Variants in ABCA1 observed in about 807,000 individuals in gnomAD.
ABCA1 encodes the protein phospholipid-transporting ATPase ABCA1.
Under a neutral mutation model 262.5 loss-of-function variants are expected in ABCA1, and 133 were observed. The ratio of observed to expected loss-of-function variants is 0.51; its 90% CI spans 0.44 to 0.59. The LOEUF is 0.59. Ranked by LOEUF, ABCA1 falls within the 20% of genes least tolerant of loss-of-function variation. The pLI is 0.00. For missense variants in ABCA1, 2,452 were observed against 2,777.5 expected, an observed-to-expected ratio of 0.88 and a Z score of 2.63; for synonymous variants, 1,022 against 1,043.5, an observed-to-expected ratio of 0.98 and a Z score of 0.40.
intron 25 of ABCA1, among the ~76,000 whole-genome samples, chr9:104,814,693 T>C (rs1831581515): frequency 6.6e-6 from 1 of 152,072 alleles, no homozygotes; most frequent in Non-Finnish European, 1.5e-5. Context: ...AGCTAGACAA[T>C]CATTTTCAAA....
intron 7 of ABCA1, among the ~76,000 whole-genome samples, chr9:104,847,398 G>A (rs527840217): frequency 1.3e-5 from 2 of 152,318 alleles, no homozygotes; most frequent in African/African-American, 4.8e-5. Flanking sequence ...ACTAAAACTA[G>A]AGGATATGTA....
At chr9:104,865,222 C>G (rs1435798479) in intron 5 of ABCA1, among the ~76,000 whole-genome samples, 3 of 152,194 alleles carry the variant, frequency 2.0e-5, no homozygotes, top group African/African-American at 7.2e-5. Context: ...CAGGCCACAC[C>G]ATGGAGCAAC....
chr9:104,804,534 AT>A, intron 32 of ABCA1, 91 bp downstream of exon 32: 1 of 1,033,244 alleles, frequency 9.7e-7, no homozygotes. Context: ...ATAATCTGGC[AT>A]TTCCCCCACT....
chr9:104,887,503 C>A (rs1184109487), intron 3 of ABCA1, among the ~76,000 whole-genome samples: 2 of 152,122 alleles, frequency 1.3e-5, no homozygotes, highest in Non-Finnish European at 2.9e-5. Flanking sequence ...TCCACTACAC[C>A]ATCTTGCCTG....
chr9:104,805,976 G>A lies in ABCA1; in HGVS notation c.4464+265C>T, dbSNP rs139322254. ...AAAAATTAGCCAGACATGGTGGTGC[G>A]TGCCTGTAATCCCAGCTACTCAGGA... On this transcript the variant is annotated intron_variant, in intron 31 of 49. Coordinates refer to ENST00000374736, the MANE Select transcript of ABCA1 (RefSeq NM_005502.4). Among the ~76,000 whole-genome samples, 1,296 of 152,170 alleles carry A rather than the reference G, an allele frequency of 8.5e-3. 24 individuals carry two copies. Among genetic ancestry groups the A allele is most frequent in the African/African-American group, 0.03 (1,230 of 41,516 alleles).
At chr9:104,872,648 TAGTC>T (rs1837727404) in intron 5 of ABCA1, among the ~76,000 whole-genome samples, 1 of 152,222 alleles carries the variant, frequency 6.6e-6, no homozygotes, top group Non-Finnish European at 1.5e-5. Context: ...CGGTGCAACT[TAGTC>T]TGTTGAATAG....
intron 3 of ABCA1, among the ~76,000 whole-genome samples, chr9:104,886,474 T>C (rs888162775): frequency 6.6e-6 from 1 of 152,214 alleles, no homozygotes; most frequent in Middle Eastern, 3.2e-3. Context: ...TTCCTGTTAA[T>C]AGTTCAAGGA....
chr9:104,807,791 C>G (rs530627497), intron 30 of ABCA1, among the ~76,000 whole-genome samples: 32 of 148,832 alleles, frequency 2.2e-4, no homozygotes, highest in African/African-American at 7.9e-4. Context: ...CCAGCCTGGG[C>G]AACAGAGCGA....
At position 104,798,613 on chromosome 9, in the gene ABCA1, C is replaced by T. The variant is rs571750277; in HGVS notation, c.4944-15G>A. ...ATGTGGTCATCCTGGAGAGAAAAAG[C>T]GTGTGAAAATCTGAGGGGTCTTTGA... On this transcript the variant is annotated splice_polypyrimidine_tract_variant and intron_variant, in intron 36 of 49. Transcript: ENST00000374736. 2.4e-5 allele frequency: 39 copies of T among 1,612,530 alleles called. No individual in the cohort carries two copies. The highest frequency in any genetic ancestry group is 1.8e-4 in the East Asian group (8 of 44,840).
chr9:104,802,858 G>A (rs1830458312), intron 33 of ABCA1, among the ~76,000 whole-genome samples: 2 of 152,158 alleles, frequency 1.3e-5, no homozygotes, highest in South Asian at 2.1e-4. Flanking sequence ...GACCTTTTTA[G>A]TCCCGTGCTA....
At chr9:104,910,729 T>C (rs1437806429) in intron 1 of ABCA1, among the ~76,000 whole-genome samples, 1 of 152,154 alleles carries the variant, frequency 6.6e-6, no homozygotes, top group East Asian at 1.9e-4. Flanking sequence ...TTTTTAGATG[T>C]AATCTCACTC....
At position 104,818,847 on chromosome 9, in the gene ABCA1, T is replaced by C; in HGVS notation, c.3278A>G (p.Glu1093Gly). 6.2e-7 allele frequency: 1 copy of C among 1,613,952 alleles called. No individual in the cohort carries two copies. Reference protein sequence around the residue: ...TIILSTHHMDEADVLGDRIAI... With the variant: ...TIILSTHHMDGADVLGDRIAI... Reference sequence around the variant, plus strand: ...AATCCTGTCCCCCAGGACGTCCGCTTCATCCATGTGGTGTGTAGAGAGAAT... The same window carrying C: ...AATCCTGTCCCCCAGGACGTCCGCTCCATCCATGTGGTGTGTAGAGAGAAT... Residue 1093 changes from glutamate (E) to glycine (G), a missense_variant, in exon 23 of 50, where the codon GAA becomes GGA. Glu to Gly is a moderately conservative substitution (Grantham distance 98, BLOSUM62 -2). Around this residue, in one of 4 missense-constraint regions of ABCA1, gnomAD observed 665 missense variants for 727.3 expected, o/e 0.91. Transcript: ENST00000374736.
intron 44 of ABCA1, 86 bp from the exon 45 acceptor site, chr9:104,788,653 T>C (rs1829138155): frequency 1.3e-6 from 2 of 1,482,544 alleles, no homozygotes; most frequent in Non-Finnish European, 1.9e-6. Context: ...CTGTAAAGTA[T>C]GCTTCTCCAT....
intron 1 of ABCA1, among the ~76,000 whole-genome samples, chr9:104,915,832 C>G (rs1365045837): frequency 6.6e-6 from 1 of 152,142 alleles, no homozygotes; most frequent in East Asian, 1.9e-4. Context: ...TAAGTGTTTA[C>G]ATCAGGTGAG....
chr9:104,811,490 T>G (rs1394171659), intron 28 of ABCA1, among the ~76,000 whole-genome samples: 1 of 152,218 alleles, frequency 6.6e-6, no homozygotes, highest in Non-Finnish European at 1.5e-5. Flanking sequence ...TTATCTCCCA[T>G]GATAGTCTCA....
At chr9:104,847,434 A>G (rs1240657257) in intron 7 of ABCA1, among the ~76,000 whole-genome samples, 1 of 152,262 alleles carries the variant, frequency 6.6e-6, no homozygotes, top group African/African-American at 2.4e-5. Flanking sequence ...AGTGCCTGGC[A>G]CATGGTAATT....
chr9:104,800,049 G>A (rs938235976), intron 35 of ABCA1, 61 bp from the exon 36 acceptor site: 10 of 1,585,116 alleles, frequency 6.3e-6, no homozygotes, highest in Non-Finnish European at 8.7e-6. Context: ...GCAGGCAGGT[G>A]CATACCCACC....
intron 6 of ABCA1, among the ~76,000 whole-genome samples, chr9:104,860,571 T>C (rs963960892): frequency 6.6e-6 from 1 of 152,102 alleles, no homozygotes; most frequent in Non-Finnish European, 1.5e-5. Context: ...GAGGAAGCAG[T>C]TCCCCTTTCT....
chr9:104,825,937 T>A (rs1208710492), intron 16 of ABCA1, 50 bp from the exon 17 acceptor site: 1 of 1,588,740 alleles, frequency 6.3e-7, no homozygotes, highest in Non-Finnish European at 8.6e-7. Context: ...CAGTCTCATT[T>A]TTCTATCTCT....
Sources: allele counts gnomAD v4.1 joint callset (sites outside exome capture counted in the v4.1 genomes callset), GRCh38; gene constraint gnomAD v4.1.1; regional missense constraint gnomAD v4.1.1; transcripts MANE v1.5; gene names NCBI Gene and HGNC (gene_info 2026-07-23, HGNC 2026-07-21).